PPFIBP1: variants seen among roughly 807,000 people sequenced by gnomAD.
The protein encoded by PPFIBP1 is PPFIB scaffold protein 1.
A neutral mutation model predicts 137.8 loss-of-function variants in PPFIBP1; 112 were observed. The observed-to-expected ratio is 0.81, with a 90% CI of 0.70 to 0.95. The LOEUF is 0.95. Among genes scored for constraint, PPFIBP1 ranks in the 40% least tolerant of loss-of-function variants. The pLI, the probability that PPFIBP1 is intolerant of heterozygous loss-of-function variation, is 0.00. For synonymous variants in PPFIBP1, 378 were observed against 417.3 expected (o/e 0.91, Z 1.15); for missense variants, 1,083 against 1,196.6 (o/e 0.91, Z 1.40).
chr12:27,619,227 C>A (rs1035610824), intron 2 of PPFIBP1, among the ~76,000 whole-genome samples: 2 of 152,006 alleles, frequency 1.3e-5, no homozygotes, highest in African/African-American at 4.8e-5. Context: ...AAAATGGCAT[C>A]GAATTTGCCT....
intron 28 of PPFIBP1, 74 bp from the exon 29 acceptor site, chr12:27,692,517 C>A: frequency 7.3e-7 from 1 of 1,378,228 alleles, no homozygotes; most frequent in Non-Finnish European, 1.0e-6. Flanking sequence ...TCTTCTTAGA[C>A]TTTTGTTCCT....
intron 17 of PPFIBP1, among the ~76,000 whole-genome samples, chr12:27,675,379 T>C (rs867971318): frequency 6.6e-6 from 1 of 152,210 alleles, no homozygotes; most frequent in African/African-American, 2.4e-5. Flanking sequence ...AATTGTGCCA[T>C]CTGTAAACTT....
chr12:27,593,872 G>A (rs2052847150), intron 2 of PPFIBP1: 2 of 1,454,654 alleles, frequency 1.4e-6, no homozygotes, highest in Admixed American at 5.1e-5. Context: ...CCCCTTGGAT[G>A]GGAGGGAGAA....
intron 1 of PPFIBP1, among the ~76,000 whole-genome samples, chr12:27,556,110 CTTG>C (rs1331129966): frequency 6.6e-6 from 1 of 152,120 alleles, no homozygotes; most frequent in Non-Finnish European, 1.5e-5. Context: ...TTTGAGTAAC[CTTG>C]TTGTGGTTGA....
intron 11 of PPFIBP1, among the ~76,000 whole-genome samples, chr12:27,661,363 C>A (rs2059536492): frequency 6.6e-6 from 1 of 152,194 alleles, no homozygotes; most frequent in Admixed American, 6.5e-5. Context: ...ACACTCCTGG[C>A]CTGTTTCACA....
At position 27,677,086 on chromosome 12, in the gene PPFIBP1, A is replaced by G; in HGVS notation, c.1605A>G (p.Ala535=). 1 of 1,614,124 alleles carries G rather than the reference A, an allele frequency of 6.2e-7. No individual in the cohort carries two copies. Among genetic ancestry groups the G allele is most frequent in the Non-Finnish European group, 8.5e-7 (1 of 1,180,022 alleles). ...PNLDRKRSAS[A]PTLAETEKET... ...AAGATCGTAAACGAAGTGCCAGTGC[A>G]CCCACCCTAGGTATTGTACCCCTGC... The change falls in exon 19 of 30, where the codon GCA becomes GCG. Residue 535 remains alanine, a synonymous_variant. Transcript: ENST00000228425.
At chr12:27,638,487 C>T (rs2057850884) in intron 4 of PPFIBP1, among the ~76,000 whole-genome samples, 1 of 109,406 alleles carries the variant, frequency 9.1e-6, no homozygotes, top group Non-Finnish European at 2.0e-5. Context: ...ATGTCTGAAG[C>T]TCTGTGTCTT....
intron 1 of PPFIBP1, among the ~76,000 whole-genome samples, chr12:27,574,654 A>G (rs1233921910): frequency 6.6e-6 from 1 of 152,218 alleles, no homozygotes; most frequent in Non-Finnish European, 1.5e-5. Context: ...CATAACTAAC[A>G]GACCTTTTGA....
intron 7 of PPFIBP1, among the ~76,000 whole-genome samples, chr12:27,653,985 A>G (rs1466323029): frequency 6.6e-6 from 1 of 152,216 alleles, no homozygotes; most frequent in Non-Finnish European, 1.5e-5. Flanking sequence ...TAATCTCCTA[A>G]TAAAAATTCA....
At chr12:27,655,039 T>A (rs2059109893) in intron 8 of PPFIBP1, 1 of 1,058,646 alleles carries the variant, frequency 9.4e-7, no homozygotes, top group Non-Finnish European at 1.4e-6. Context: ...GCCCTTTCTC[T>A]GAGTTGTATC....
chr12:27,685,187 CAT>C (rs201114333), intron 24 of PPFIBP1, among the ~76,000 whole-genome samples: 1,711 of 151,812 alleles, frequency 0.011, 113 homozygotes, highest in Admixed American at 0.1. Context: ...ATTATACACA[CAT>C]ATGTAATACT....
intron 1 of PPFIBP1, chr12:27,547,980 G>A (rs188584388): frequency 5.3e-5 from 8 of 152,318 alleles, no homozygotes; most frequent in Admixed American, 3.9e-4. Flanking sequence ...CAAATGCCCG[G>A]CATATGGCAA....
chr12:27,543,173 C>T (rs1490031476), intron 1 of PPFIBP1, among the ~76,000 whole-genome samples: 1 of 152,186 alleles, frequency 6.6e-6, no homozygotes, highest in Non-Finnish European at 1.5e-5. Flanking sequence ...AGAATTTCAA[C>T]ATGAGGTTGT....
chr12:27,616,310 ATT>A (rs11370764), intron 2 of PPFIBP1, among the ~76,000 whole-genome samples: 3 of 143,536 alleles, frequency 2.1e-5, no homozygotes, highest in Non-Finnish European at 1.5e-5. Flanking sequence ...TTGTTTGCAG[ATT>A]TTTTTTTTTT....
intron 2 of PPFIBP1, among the ~76,000 whole-genome samples, chr12:27,596,927 C>T (rs1442214164): frequency 1.3e-5 from 2 of 152,138 alleles, no homozygotes; most frequent in Non-Finnish European, 2.9e-5. Flanking sequence ...CTTCAGAGCC[C>T]ATATCCTAAC....
At chr12:27,630,436 G>T (rs929836680) in intron 2 of PPFIBP1, among the ~76,000 whole-genome samples, 2 of 151,664 alleles carry the variant, frequency 1.3e-5, no homozygotes, top group Admixed American at 1.3e-4. Context: ...AAATAAACCC[G>T]CTCCTGCTTT....
intron 1 of PPFIBP1, among the ~76,000 whole-genome samples, chr12:27,566,975 G>A (rs557683648): frequency 6.6e-6 from 1 of 152,300 alleles, no homozygotes; most frequent in Non-Finnish European, 1.5e-5. Flanking sequence ...GCAATTTTGT[G>A]GCACCTTTGC....
intron 24 of PPFIBP1, among the ~76,000 whole-genome samples, chr12:27,686,597 T>C (rs951098130): frequency 6.6e-6 from 1 of 152,216 alleles, no homozygotes; most frequent in African/African-American, 2.4e-5. Context: ...GTCTGCTAGA[T>C]AAACCATAAT....
chr12:27,576,518 A>C (rs1050920000), intron 1 of PPFIBP1, among the ~76,000 whole-genome samples: 1 of 152,064 alleles, frequency 6.6e-6, no homozygotes, highest in Non-Finnish European at 1.5e-5. Context: ...TCTGCTCATT[A>C]CGTTCCAGAG....
Sources: gnomAD v4.1 joint callset for allele counts (sites outside exome capture counted in the v4.1 genomes callset) on GRCh38, gnomAD v4.1.1 for gene constraint, MANE v1.5 for transcripts, NCBI Gene and HGNC (gene_info 2026-07-23, HGNC 2026-07-21) for gene names.